The following ANKRD30BL variants were observed in gnomAD, a reference collection of about 807,000 sequenced individuals.
The protein encoded by ANKRD30BL is ankyrin repeat domain 30B like.
Under a neutral mutation model 18.4 loss-of-function variants are expected in ANKRD30BL, and 20 were observed. The ratio of observed to expected loss-of-function variants is 1.09; its 90% CI spans 0.77 to 1.58. The LOEUF (loss-of-function observed/expected upper bound fraction) is 1.58. ANKRD30BL is among the 40% of genes most tolerant of loss of function. The pLI, the probability that ANKRD30BL is intolerant of heterozygous loss-of-function variation, is 0.00. For missense variants in ANKRD30BL, 224 were observed against 268.6 expected, an observed-to-expected ratio of 0.83 and a Z score of 1.16; for synonymous variants, 72 against 100.9, an observed-to-expected ratio of 0.71 and a Z score of 1.72.
chr2:132,169,080 A>G (rs1025239753), intron 1 of ANKRD30BL, among the ~76,000 whole-genome samples: 6 of 152,234 alleles, frequency 3.9e-5, no homozygotes, highest in African/African-American at 1.4e-4. Flanking sequence ...CTTTGATAAC[A>G]CTTAATTTTT....
At chr2:132,166,281 G>C (rs796222184), upstream of ANKRD30BL, among the ~76,000 whole-genome samples, 1 of 152,022 alleles carries the variant, frequency 6.6e-6, no homozygotes, top group African/African-American at 2.4e-5. Context: ...TATTGGATTT[G>C]GTAAGAGGGT....
chr2:132,186,190 C>T lies in ANKRD30BL; in HGVS notation n.442-29044G>A, dbSNP rs559515059. ...GAATTCTTCTCAAAAAACTACCTTT[C>T]TATTAGATATTTTTTATCTCAAAAC... On this transcript the variant is annotated intron_variant and non_coding_transcript_variant, in intron 1 of 4. Coordinates refer to the ANKRD30BL transcript ENST00000470729. Among the ~76,000 whole-genome samples the T allele has an allele frequency of 7.9e-5, 12 of 151,140 alleles. No homozygotes were observed. The South Asian group carries it at 2.5e-3, about 31-fold the overall frequency.
intron 1 of ANKRD30BL, among the ~76,000 whole-genome samples, chr2:132,254,302 G>A (rs937098125): frequency 6.6e-6 from 1 of 152,206 alleles, no homozygotes; most frequent in African/African-American, 2.4e-5. Flanking sequence ...GGTCAGCCAA[G>A]GAGGAAGGAC....
At chr2:132,254,359 C>T (rs796894705) in intron 1 of ANKRD30BL, among the ~76,000 whole-genome samples, 9 of 152,212 alleles carry the variant, frequency 5.9e-5, no homozygotes, top group South Asian at 2.1e-4. Context: ...ATGATCCCTC[C>T]GCAGGTTCAC....
intron 1 of ANKRD30BL, among the ~76,000 whole-genome samples, chr2:132,211,226 C>T (rs1174219770): frequency 6.6e-6 from 1 of 152,028 alleles, no homozygotes; most frequent in Non-Finnish European, 1.5e-5. Flanking sequence ...GAAATACCTT[C>T]ACATAAAAAC....
intron 1 of ANKRD30BL, among the ~76,000 whole-genome samples, chr2:132,249,293 T>A (rs1680587773): frequency 2.0e-5 from 3 of 152,120 alleles, no homozygotes; most frequent in South Asian, 2.1e-4. Flanking sequence ...AGTTTTCATG[T>A]GAAGATATTT....
chr2:132,209,001 A>G (rs1679266238), intron 1 of ANKRD30BL, among the ~76,000 whole-genome samples: 1 of 152,144 alleles, frequency 6.6e-6, no homozygotes, highest in Non-Finnish European at 1.5e-5. Flanking sequence ...GTGGAAAAGT[A>G]AATATCTTCA....
In ANKRD30BL at chr2:132,221,863, G is replaced by T. The variant is rs1383517198; in HGVS notation, n.441+35666C>A. ...CCGGCCAGCCGCCCCGTCCGGGAGG[G>T]GGGAGGGGGAGTCAGCCCCCTGCCC... On this transcript the variant is annotated intron_variant and non_coding_transcript_variant, in intron 1 of 4. Coordinates refer to the ANKRD30BL transcript ENST00000470729. 6.5e-5 allele frequency among the ~76,000 whole-genome samples: 8 copies of T among 122,534 alleles called. No individual in the cohort carries two copies. In the South Asian group the frequency reaches 9.8e-4, roughly 15 times the overall value. 80.4% of individuals were successfully genotyped at this position (122,534 alleles called of 152,430 possible). A position where few individuals can be genotyped will look rare whatever the true frequency, so the allele number is the denominator to read the frequency against.
intron 1 of ANKRD30BL, chr2:132,257,052 G>T (rs376947001): frequency 2.5e-5 from 13 of 512,862 alleles, no homozygotes; most frequent in African/African-American, 2.2e-4. Flanking sequence ...GCAGCGACCC[G>T]CCTAGGATGC....
chr2:132,180,423 A>C (rs1466940445), intron 1 of ANKRD30BL, among the ~76,000 whole-genome samples: 2 of 152,222 alleles, frequency 1.3e-5, no homozygotes, highest in Non-Finnish European at 2.9e-5. Context: ...CTCTATTTGC[A>C]CAATAACAAA....
intron 1 of ANKRD30BL, among the ~76,000 whole-genome samples, chr2:132,172,864 T>A (rs896276836): frequency 7.9e-5 from 12 of 152,140 alleles, no homozygotes; most frequent in African/African-American, 2.6e-4. Context: ...CACACCACCA[T>A]GCCCAGCTAA....
At chr2:132,197,630 T>C (rs1488866591) in intron 1 of ANKRD30BL, among the ~76,000 whole-genome samples, 2 of 151,830 alleles carry the variant, frequency 1.3e-5, no homozygotes, top group Non-Finnish European at 2.9e-5. Flanking sequence ...CTTAATTATA[T>C]TGTGTGTAGA....
At chr2:132,244,535 CTG>C (rs1558738233) in intron 1 of ANKRD30BL, among the ~76,000 whole-genome samples, 2 of 152,304 alleles carry the variant, frequency 1.3e-5, no homozygotes, top group East Asian at 3.8e-4. Flanking sequence ...TTTGTAGAAT[CTG>C]TAAATGGAAA....
At chr2:132,220,828 G>A (rs185743685) in intron 1 of ANKRD30BL, among the ~76,000 whole-genome samples, 10,117 of 146,558 alleles carry the variant, frequency 0.069, 1,158 homozygotes, top group African/African-American at 0.24. Flanking sequence ...GCCGCCCATC[G>A]TCTGGGATAT....
chr2:132,170,713 A>G (rs1220691090), intron 1 of ANKRD30BL, among the ~76,000 whole-genome samples: 2 of 152,208 alleles, frequency 1.3e-5, no homozygotes, highest in African/African-American at 4.8e-5. Flanking sequence ...TCACATTGGT[A>G]AGGGAGTGTT....
At chr2:132,174,750 G>A (rs780368549) in intron 1 of ANKRD30BL, among the ~76,000 whole-genome samples, 6 of 152,170 alleles carry the variant, frequency 3.9e-5, no homozygotes, top group Non-Finnish European at 7.3e-5. Flanking sequence ...AAAGTGAATT[G>A]ATTATATGCC....
chr2:132,170,617 T>A (rs573769809), intron 1 of ANKRD30BL, among the ~76,000 whole-genome samples: 11 of 152,224 alleles, frequency 7.2e-5, no homozygotes, highest in Non-Finnish European at 1.3e-4. Context: ...TTATAAGGTA[T>A]GAAAATACCT....
chr2:132,229,754 T>C (rs1679954964), intron 1 of ANKRD30BL, among the ~76,000 whole-genome samples: 2 of 152,086 alleles, frequency 1.3e-5, no homozygotes, highest in Non-Finnish European at 2.9e-5. Flanking sequence ...AGTGGACATT[T>C]GGAGAAATTT....
chr2:132,163,515 C>T (rs539253304), upstream of ANKRD30BL, among the ~76,000 whole-genome samples: 32 of 152,290 alleles, frequency 2.1e-4, no homozygotes, highest in African/African-American at 6.5e-4. Flanking sequence ...CCGCTGCACT[C>T]CAAGCCTGGG....
Sources: allele counts gnomAD v4.1 joint callset (sites outside exome capture counted in the v4.1 genomes callset), GRCh38; gene constraint gnomAD v4.1.1; transcripts MANE v1.5; gene names NCBI Gene and HGNC (gene_info 2026-07-23, HGNC 2026-07-21).